Variants in EXOC6B observed in about 807,000 individuals in gnomAD.
The protein encoded by EXOC6B is SEC15 homolog B.
Under a neutral mutation model 113.5 loss-of-function variants are expected in EXOC6B, and 54 were observed. The observed-to-expected ratio is 0.48, with a 90% CI of 0.38 to 0.60. EXOC6B has a LOEUF of 0.60. Ranked by LOEUF, EXOC6B falls within the 20% of genes least tolerant of loss-of-function variation. The probability of loss-of-function intolerance (pLI) is 0.00; values close to 1 mark genes in which losing one functional copy is unlikely to be tolerated. For missense variants in EXOC6B, 797 were observed against 977.5 expected, an observed-to-expected ratio of 0.82 and a Z score of 2.46; for synonymous variants, 357 against 339.0, an observed-to-expected ratio of 1.05 and a Z score of -0.58.
At chr2:72,451,036 T>A (rs1338295672) in intron 18 of EXOC6B, among the ~76,000 whole-genome samples, 1 of 152,192 alleles carries the variant, frequency 6.6e-6, no homozygotes, top group Non-Finnish European at 1.5e-5. Flanking sequence ...ATACCTCCTA[T>A]TTCCTTTACC....
intron 1 of EXOC6B, among the ~76,000 whole-genome samples, chr2:72,823,459 G>GAAAAAAAAAAAATAAAAA (rs1686694261): frequency 1.4e-5 from 1 of 70,030 alleles, no homozygotes; most frequent in Non-Finnish European, 2.3e-5. Context: ...AAAGTTTTAA[G>GAAAAAAAAAAAATAAAAA]AAAAAAAAAA....
chr2:72,823,348 CAATG>C (rs1011900321), intron 1 of EXOC6B, among the ~76,000 whole-genome samples: 5 of 145,702 alleles, frequency 3.4e-5, no homozygotes, highest in Non-Finnish European at 7.5e-5. Flanking sequence ...TCAGTAACAA[CAATG>C]AAACAAGTTT....
At chr2:72,652,846 G>C (rs935825677) in intron 6 of EXOC6B, among the ~76,000 whole-genome samples, 1 of 148,666 alleles carries the variant, frequency 6.7e-6, no homozygotes, top group Non-Finnish European at 1.5e-5. Flanking sequence ...TAATCACAAA[G>C]AAAAAAGGAA....
intron 19 of EXOC6B, among the ~76,000 whole-genome samples, chr2:72,370,806 G>C (rs1380393903): frequency 6.7e-6 from 1 of 149,142 alleles, no homozygotes; most frequent in African/African-American, 2.5e-5. Context: ...GGTGGGAATT[G>C]AACAGTGAGA....
chr2:72,401,538 T>C (rs1202929291), intron 18 of EXOC6B, among the ~76,000 whole-genome samples: 2 of 28,000 alleles, frequency 7.1e-5, no homozygotes, highest in African/African-American at 7.7e-4. Context: ...TATATATATA[T>C]ATATATGTGT....
chr2:72,372,702 G>A (rs1465180504), intron 19 of EXOC6B, among the ~76,000 whole-genome samples: 1 of 152,000 alleles, frequency 6.6e-6, no homozygotes, highest in Non-Finnish European at 1.5e-5. Flanking sequence ...AAAGATAGGC[G>A]GGTATGGTGG....
In EXOC6B at chr2:72,446,777, C is replaced by T. The variant is rs534354678; in HGVS notation, c.1980+18383G>A. Among the ~76,000 whole-genome samples, 5 of 152,206 alleles carry T rather than the reference C, an allele frequency of 3.3e-5. No homozygotes were observed. The East Asian group carries it at 9.6e-4, about 29-fold the overall frequency. Reference sequence around the variant, plus strand: ...CATATACCCCCAAACTTAAAATAAACGTTTTTTAAAAAAGAAAATCCTGCT... The same window carrying T: ...CATATACCCCCAAACTTAAAATAAATGTTTTTTAAAAAAGAAAATCCTGCT... On this transcript the variant is annotated intron_variant, in intron 18 of 21. Transcript: ENST00000272427.
intron 20 of EXOC6B, among the ~76,000 whole-genome samples, chr2:72,192,395 T>C (rs923854822): frequency 6.6e-6 from 1 of 152,070 alleles, no homozygotes; most frequent in African/African-American, 2.4e-5. Flanking sequence ...AGAAAAGTTG[T>C]ATAAGGAAGA....
chr2:72,776,703 T>C (rs1683724497), intron 1 of EXOC6B, among the ~76,000 whole-genome samples: 1 of 152,028 alleles, frequency 6.6e-6, no homozygotes, highest in Admixed American at 6.6e-5. Context: ...GATGTATTTA[T>C]AAAAGTTAAT....
At chr2:72,388,853 A>C (rs2105101983) in intron 18 of EXOC6B, among the ~76,000 whole-genome samples, 1 of 152,246 alleles carries the variant, frequency 6.6e-6, no homozygotes, top group South Asian at 2.1e-4. Context: ...ACTTTACCAG[A>C]CATTAATACA....
intron 20 of EXOC6B, among the ~76,000 whole-genome samples, chr2:72,192,830 A>G (rs1188831330): frequency 6.6e-6 from 1 of 152,204 alleles, no homozygotes; most frequent in African/African-American, 2.4e-5. Context: ...GAAAACCTGA[A>G]TTTGCACTTT....
chr2:72,733,801 T>C (rs901899564), intron 2 of EXOC6B, among the ~76,000 whole-genome samples: 4 of 152,230 alleles, frequency 2.6e-5, no homozygotes, highest in African/African-American at 9.6e-5. Flanking sequence ...CCTCATCATC[T>C]GTGATATCAA....
chr2:72,340,811 G>T (rs1688987538), intron 19 of EXOC6B, among the ~76,000 whole-genome samples: 1 of 152,060 alleles, frequency 6.6e-6, no homozygotes, highest in Non-Finnish European at 1.5e-5. Context: ...ACAGATGAAG[G>T]GTGTGCTAGA....
chr2:72,191,710 A>G (rs1678845089), intron 20 of EXOC6B, among the ~76,000 whole-genome samples: 1 of 152,216 alleles, frequency 6.6e-6, no homozygotes, highest in South Asian at 2.1e-4. Flanking sequence ...ACAGCATTAT[A>G]ATAGTAGAAC....
chr2:72,499,459 G>T (rs1700208061), intron 12 of EXOC6B, among the ~76,000 whole-genome samples: 1 of 151,284 alleles, frequency 6.6e-6, no homozygotes, highest in South Asian at 2.1e-4. Context: ...TCAAACTCCT[G>T]ACCTCAAGTG....
intron 8 of EXOC6B, among the ~76,000 whole-genome samples, chr2:72,523,506 C>G (rs1031239793): frequency 6.6e-6 from 1 of 152,216 alleles, no homozygotes; most frequent in Middle Eastern, 3.4e-3. Context: ...CGGCTGGGCG[C>G]GGTGGCTCAC....
Position 72,631,369 on chromosome 2 carries a change from T to C in EXOC6B, c.670-55701A>G, listed in dbSNP as rs1672380126. 2.0e-5 allele frequency among the ~76,000 whole-genome samples: 3 copies of C among 149,536 alleles called. No homozygotes were observed. In the South Asian group the frequency reaches 6.4e-4, roughly 32 times the overall value. ...ATGGCTTTACTCTATCACTCCATCCTACATATATATATGGAGTGATATAGT... is the reference window on the plus strand; with the variant it reads ...ATGGCTTTACTCTATCACTCCATCCCACATATATATATGGAGTGATATAGT... On this transcript the variant is annotated intron_variant, in intron 6 of 21. Transcript: ENST00000272427.
At chr2:72,292,512 T>G (rs1377211744) in intron 20 of EXOC6B, among the ~76,000 whole-genome samples, 1 of 150,176 alleles carries the variant, frequency 6.7e-6, no homozygotes, top group East Asian at 2.0e-4. Context: ...CTGTTTGATT[T>G]CACCAGTTTT....
chr2:72,383,818 A>G (rs1691834568), intron 18 of EXOC6B, among the ~76,000 whole-genome samples: 1 of 152,154 alleles, frequency 6.6e-6, no homozygotes, highest in Admixed American at 6.6e-5. Flanking sequence ...ACACAGCCAT[A>G]AAGAAAGAAT....
Sources: gnomAD v4.1 joint callset for allele counts (sites outside exome capture counted in the v4.1 genomes callset) on GRCh38, gnomAD v4.1.1 for gene constraint, MANE v1.5 for transcripts, NCBI Gene and HGNC (gene_info 2026-07-23, HGNC 2026-07-21) for gene names.